CLINT1: variants seen among roughly 807,000 people sequenced by gnomAD.
CLINT1 encodes the protein clathrin interactor 1, also known as clathrin interacting protein localized in the trans-Golgi region.
Under a neutral mutation model 70.4 loss-of-function variants are expected in CLINT1, and 15 were observed. The ratio of observed to expected loss-of-function variants is 0.21; its 90% confidence interval spans 0.14 to 0.33. CLINT1 has a LOEUF of 0.33. Among genes scored for constraint, CLINT1 ranks in the 10% least tolerant of loss-of-function variants. The pLI is 1.00. For missense variants in CLINT1, 615 were observed against 778.1 expected (o/e 0.79, Z 2.49); for synonymous variants, 227 against 254.7 (o/e 0.89, Z 1.04).
chr5:157,799,275 C>G (rs1762147169), intron 8 of CLINT1, among the ~76,000 whole-genome samples: 1 of 151,874 alleles, frequency 6.6e-6, no homozygotes, highest in East Asian at 1.9e-4. Flanking sequence ...CAACCCCTAC[C>G]CAAATGATAA....
At chr5:157,844,602 G>C (rs1753306531) in intron 1 of CLINT1, among the ~76,000 whole-genome samples, 1 of 152,130 alleles carries the variant, frequency 6.6e-6, no homozygotes, top group South Asian at 2.1e-4. Flanking sequence ...TCCTATGCCA[G>C]AAATATAGTA....
chr5:157,857,572 T>C (rs1753799617), intron 1 of CLINT1, among the ~76,000 whole-genome samples: 1 of 152,280 alleles, frequency 6.6e-6, no homozygotes, highest in African/African-American at 2.4e-5. Flanking sequence ...AAACATATTC[T>C]GTTAAGGGCT....
chr5:157,806,176 T>C, intron 6 of CLINT1, 64 bp from the exon 7 acceptor site: 1 of 1,516,706 alleles, frequency 6.6e-7, no homozygotes, highest in Non-Finnish European at 8.9e-7. Context: ...GGTCCCTCAG[T>C]GATTTGAGCT....
At chr5:157,821,311 T>C (rs1291925621) in intron 1 of CLINT1, among the ~76,000 whole-genome samples, 1 of 152,228 alleles carries the variant, frequency 6.6e-6, no homozygotes, top group Non-Finnish European at 1.5e-5. Context: ...ACATTTCTGC[T>C]GTCACCATCA....
At chr5:157,828,185 A>T (rs140854038) in intron 1 of CLINT1, among the ~76,000 whole-genome samples, 4 of 152,206 alleles carry the variant, frequency 2.6e-5, no homozygotes, top group Admixed American at 2.6e-4. Context: ...TGACAGGCTT[A>T]CAGAAAAACT....
At position 157,850,082 on chromosome 5, in the gene CLINT1, T is replaced by C. The variant is rs375323140; in HGVS notation, c.41+8848A>G. Among the ~76,000 whole-genome samples the C allele has an allele frequency of 2.0e-5, 3 of 151,886 alleles. No individual in the cohort carries two copies. In the South Asian group the frequency reaches 6.2e-4, roughly 32 times the overall value. On this transcript the variant is annotated intron_variant, in intron 1 of 11. Transcript: ENST00000411809. ...ACAGAACAGAGAAAGTGAGGGACAG[T>C]GGTGGGAGAAGAGATCACAGGCGGG...
At chr5:157,801,500 C>A (rs1481236320) in intron 8 of CLINT1, among the ~76,000 whole-genome samples, 1 of 150,702 alleles carries the variant, frequency 6.6e-6, no homozygotes, top group East Asian at 2.0e-4. Context: ...GGGCGAAACT[C>A]TGTCTCAAAA....
chr5:157,827,064 A>T (rs893633636), intron 1 of CLINT1, among the ~76,000 whole-genome samples: 51 of 152,176 alleles, frequency 3.4e-4, no homozygotes, highest in African/African-American at 1.2e-3. Flanking sequence ...CCAGACTCAC[A>T]TCTAAAATTT....
chr5:157,814,905 C>T (rs1315619973), intron 3 of CLINT1, among the ~76,000 whole-genome samples: 1 of 151,726 alleles, frequency 6.6e-6, no homozygotes, highest in Non-Finnish European at 1.5e-5. Flanking sequence ...TGGTGGCCCA[C>T]GCCTGTAATC....
intron 8 of CLINT1, among the ~76,000 whole-genome samples, chr5:157,800,731 A>G (rs1244399198): frequency 6.6e-6 from 1 of 152,182 alleles, no homozygotes; most frequent in East Asian, 1.9e-4. Flanking sequence ...ATTAATATCA[A>G]TTGCTACTTC....
intron 4 of CLINT1, among the ~76,000 whole-genome samples, chr5:157,813,684 A>G (rs1762628349): frequency 1.3e-5 from 2 of 152,244 alleles, no homozygotes; most frequent in African/African-American, 2.4e-5. Flanking sequence ...ATGAGGTTTT[A>G]GCATAGCTCA....
chr5:157,810,458 G>T (rs1309339446), intron 5 of CLINT1, among the ~76,000 whole-genome samples: 3 of 152,216 alleles, frequency 2.0e-5, no homozygotes, highest in Non-Finnish European at 4.4e-5. Flanking sequence ...TCAAACAGTA[G>T]TTCAGAACAG....
intron 1 of CLINT1, among the ~76,000 whole-genome samples, chr5:157,830,796 C>CTCTCTCTCTCTCTCTA (rs1300619885): frequency 5.8e-5 from 5 of 85,720 alleles, no homozygotes; most frequent in South Asian, 4.6e-4. Context: ...CTCTCTCTCT[C>CTCTCTCTCTCTCTCTA]TATATATATA....
At chr5:157,826,758 T>C (rs367673002) in intron 1 of CLINT1, among the ~76,000 whole-genome samples, 12 of 152,336 alleles carry the variant, frequency 7.9e-5, no homozygotes, top group African/African-American at 2.4e-4. Flanking sequence ...AATGGTTTCA[T>C]AGCAGGAAAT....
rs191400796 is a variant in CLINT1 at position 157,824,371 on chromosome 5, T to G, written c.42-6824A>C. Among the ~76,000 whole-genome samples the G allele has an allele frequency of 4.8e-3, 729 of 152,344 alleles. 8 individuals are homozygous for G. The highest frequency in any genetic ancestry group is 7.4e-3 in the Non-Finnish European group (506 of 68,026). ...TACTGTCAACGGCCAAGAAGCCTACTATTCCTAAATTCAACAGGTAGATTA... is the reference window on the plus strand; with the variant it reads ...TACTGTCAACGGCCAAGAAGCCTACGATTCCTAAATTCAACAGGTAGATTA... On this transcript the variant is annotated intron_variant, in intron 1 of 11. Transcript: ENST00000411809.
chr5:157,818,238 T>A (rs955804832), intron 1 of CLINT1, among the ~76,000 whole-genome samples: 1 of 152,092 alleles, frequency 6.6e-6, no homozygotes, highest in African/African-American at 2.4e-5. Flanking sequence ...GTCAGAAAGA[T>A]CTGATTCCAA....
At chr5:157,811,910 C>T (rs1762573090) in intron 5 of CLINT1, among the ~76,000 whole-genome samples, 1 of 151,898 alleles carries the variant, frequency 6.6e-6, no homozygotes, top group Non-Finnish European at 1.5e-5. Flanking sequence ...TTGGACTTCC[C>T]CAAATAGAAA....
At position 157,786,365 on chromosome 5, in the gene CLINT1, TA is replaced by T. The variant is rs1424969499; in HGVS notation, c.*1280del. 6 of 152,454 alleles carry T rather than the reference TA, an allele frequency of 3.9e-5. No individual in the cohort carries two copies. Among genetic ancestry groups the T allele is most frequent in the Non-Finnish European group, 4.4e-5 (3 of 67,970 alleles). The allele number at this position is 152,454 out of a possible 1,614,324, so 9.4% of individuals were successfully genotyped here. A position where few individuals can be genotyped will look rare whatever the true frequency, so the allele number is the denominator to read the frequency against. Reference sequence around the variant, plus strand: ...TGGAAATAAAGTTTTATCAATTTAATAAAAAAATTTTCAACATAACATGGGG... The same window carrying T: ...TGGAAATAAAGTTTTATCAATTTAATAAAAAATTTTCAACATAACATGGGG... On this transcript the variant is annotated 3_prime_UTR_variant, in exon 12 of 12. Transcript: ENST00000411809.
intron 1 of CLINT1, among the ~76,000 whole-genome samples, chr5:157,842,098 G>C (rs1000747779): frequency 1.3e-5 from 2 of 152,104 alleles, no homozygotes; most frequent in African/African-American, 4.8e-5. Context: ...TTAATGTAAA[G>C]GAAATTTTAC....
Sources: gnomAD v4.1 joint callset for allele counts (sites outside exome capture counted in the v4.1 genomes callset) on GRCh38, gnomAD v4.1.1 for gene constraint, MANE v1.5 for transcripts, NCBI Gene and HGNC (gene_info 2026-07-23, HGNC 2026-07-21) for gene names.